Variants in MORC2 observed in about 807,000 individuals in gnomAD.
MORC2 encodes ATPase MORC2.
Under a neutral mutation model 136.0 loss-of-function variants are expected in MORC2, and 30 were observed. That is an observed-to-expected ratio of 0.22 (90% CI 0.17 to 0.30). The LOEUF (loss-of-function observed/expected upper bound fraction) is 0.30. Among genes scored for constraint, MORC2 ranks in the 10% least tolerant of loss-of-function variants. MORC2 has a pLI of 1.00. For synonymous variants in MORC2, 439 were observed against 487.0 expected (o/e 0.90, Z 1.30); for missense variants, 922 against 1,333.1 (o/e 0.69, Z 4.80).
intron 6 of MORC2, among the ~76,000 whole-genome samples, chr22:30,942,878 G>A (rs558624058): frequency 3.9e-5 from 6 of 152,260 alleles, no homozygotes; most frequent in East Asian, 1.9e-4. Context: ...GGCAGCGTGC[G>A]TCTGTAGCCC....
chr22:30,960,944 C>A (rs936674831), intron 1 of MORC2, among the ~76,000 whole-genome samples: 15 of 151,108 alleles, frequency 9.9e-5, no homozygotes, highest in Non-Finnish European at 2.1e-4. Flanking sequence ...CGGCTCACTG[C>A]AACCTCTGCC....
intron 3 of MORC2, among the ~76,000 whole-genome samples, chr22:30,952,998 G>A (rs752481345): frequency 3.3e-5 from 5 of 152,188 alleles, no homozygotes; most frequent in African/African-American, 7.2e-5. Context: ...GTCTGGGTAC[G>A]TCTGAGGTGG....
At chr22:30,933,630 T>C (rs1325659092) in intron 20 of MORC2, 110 bp from the exon 21 acceptor site, 2 of 1,110,572 alleles carry the variant, frequency 1.8e-6, no homozygotes, top group Non-Finnish European at 2.7e-6. Context: ...CTTCCTGTGC[T>C]ACAGTTTAAA....
intron 5 of MORC2, among the ~76,000 whole-genome samples, chr22:30,948,283 A>C (rs1424352302): frequency 6.6e-6 from 1 of 152,220 alleles, no homozygotes; most frequent in Non-Finnish European, 1.5e-5. Flanking sequence ...AGGTAGGAGG[A>C]GGCTGATCTA....
At position 30,925,144 on chromosome 22, in the gene MORC2, CAGT is replaced by C. The variant is rs1313982067; in HGVS notation, c.*1656_*1658del. The stretch of plus-strand genomic sequence containing the variant: ...AACAGACTGAGTTCAGGAGTCTCAC[CAGT>C]AGAACTTTATAGTATTGCGTTTCGA... On this transcript the variant is annotated 3_prime_UTR_variant, in exon 26 of 26. Transcript: ENST00000397641. The C allele has an allele frequency of 1.4e-5, 5 of 349,312 alleles. No individual in the cohort carries two copies. The highest frequency in any genetic ancestry group is 2.8e-5 in the Non-Finnish European group (5 of 176,266). The allele number at this position is 349,312 out of a possible 1,614,324, so 21.6% of individuals were successfully genotyped here. A position where few individuals can be genotyped will look rare whatever the true frequency, so the allele number is the denominator to read the frequency against.
At chr22:30,935,408 A>G (rs1280637472) in intron 17 of MORC2, 86 bp from the exon 18 acceptor site, 14 of 1,269,204 alleles carry the variant, frequency 1.1e-5, no homozygotes, top group Non-Finnish European at 1.4e-5. Flanking sequence ...AACCAGGGAC[A>G]AAAAAAATAG....
chr22:30,928,986 C>T (rs1166434944), intron 24 of MORC2, among the ~76,000 whole-genome samples: 1 of 152,230 alleles, frequency 6.6e-6, no homozygotes, highest in Non-Finnish European at 1.5e-5. Context: ...TGCTAGCTGG[C>T]TGCTGCAGTC....
At chr22:30,938,273 G>GTTAAGC (rs2040687393) in intron 12 of MORC2, 68 bp from the exon 13 acceptor site, 1 of 1,570,814 alleles carries the variant, frequency 6.4e-7, no homozygotes, top group South Asian at 1.2e-5. Context: ...TTTAAGATGT[G>GTTAAGC]TTAAGCTTAA....
rs60514280 is a variant in MORC2 at position 30,926,550 on chromosome 22, CAAAAAAAAAAAAAAAAA to C, written c.*236_*252del. 26 of 25,786 alleles carry C rather than the reference CAAAAAAAAAAAAAAAAA, an allele frequency of 1.0e-3. No individual in the cohort carries two copies. The highest frequency in any genetic ancestry group is 3.6e-3 in the East Asian group (3 of 840). The allele number at this position is 25,786 out of a possible 1,614,324, so 1.6% of individuals were successfully genotyped here. On this transcript the variant is annotated 3_prime_UTR_variant, in exon 26 of 26. Coordinates refer to ENST00000397641, the MANE Select transcript of MORC2 (RefSeq NM_001303256.3). The stretch of plus-strand genomic sequence containing the variant: ...AAGGTTCTCTGTCCTTTGCAGTCAC[CAAAAAAAAAAAAAAAAA>C]AAAAAAAAAAAAAAAAAAAGTATGG...
chr22:30,939,753 A>T (rs1345242196), intron 11 of MORC2, 47 bp from the exon 12 acceptor site: 1 of 1,558,082 alleles, frequency 6.4e-7, no homozygotes, highest in South Asian at 1.1e-5. Flanking sequence ...TCTAGGCCAC[A>T]GCAGGGAATA....
intron 4 of MORC2, 94 bp downstream of exon 4, chr22:30,950,283 A>C: frequency 4.7e-6 from 6 of 1,280,452 alleles, no homozygotes; most frequent in Non-Finnish European, 6.7e-6. Flanking sequence ...ATAACATTGG[A>C]GGCAACAGAA....
intron 3 of MORC2, among the ~76,000 whole-genome samples, chr22:30,954,500 T>C (rs949172241): frequency 1.3e-5 from 2 of 152,226 alleles, no homozygotes; most frequent in African/African-American, 4.8e-5. Context: ...TGTTCTCTAA[T>C]TATCCATAGT....
intron 2 of MORC2, 22 bp from the exon 3 acceptor site, chr22:30,956,819 A>C: frequency 6.5e-7 from 1 of 1,528,326 alleles, no homozygotes; most frequent in African/African-American, 1.4e-5. Context: ...AAAGAAAAGA[A>C]TCATGTGAAT....
At chr22:30,944,812 G>A (rs1211428869) in intron 6 of MORC2, among the ~76,000 whole-genome samples, 8 of 152,206 alleles carry the variant, frequency 5.3e-5, no homozygotes, top group African/African-American at 1.9e-4. Flanking sequence ...GAAACTCCAT[G>A]TATTTCTCTC....
At chr22:30,954,963 T>TTC (rs2040945051) in intron 3 of MORC2, among the ~76,000 whole-genome samples, 1 of 149,188 alleles carries the variant, frequency 6.7e-6, no homozygotes. Flanking sequence ...TTTTTTTTTT[T>TTC]TTTTTTTTTT....
intron 1 of MORC2, 82 bp downstream of exon 1, chr22:30,967,740 A>G (rs2041150322): frequency 3.2e-6 from 5 of 1,541,254 alleles, no homozygotes; most frequent in East Asian, 2.5e-5. Context: ...GTGAAAAAGC[A>G]AAATTTTCTG....
In MORC2 at chr22:30,934,314, C is replaced by T. The variant is rs920077300; in HGVS notation, c.2194-123G>A. ...TGTACTCCCTGCAATCCCTGCCTGACATTACTTGGAATGTACACAGGCAAC... is the reference window on the plus strand; with the variant it reads ...TGTACTCCCTGCAATCCCTGCCTGATATTACTTGGAATGTACACAGGCAAC... On this transcript the variant is annotated intron_variant, in intron 19 of 25. Coordinates refer to ENST00000397641, the MANE Select transcript of MORC2 (RefSeq NM_001303256.3). This position sits in a 1 kb window ranked among gnomAD's most constrained non-coding sequence, Gnocchi z 4.4. 2.2e-6 allele frequency: 3 copies of T among 1,394,278 alleles called. No homozygotes were observed. The highest frequency in any genetic ancestry group is 2.9e-6 in the Non-Finnish European group (3 of 1,033,192). The allele number at this position is 1,394,278 out of a possible 1,614,324, so 86.4% of individuals were successfully genotyped here. A position where few individuals can be genotyped will look rare whatever the true frequency, so the allele number is the denominator to read the frequency against.
rs568000445 is a variant in MORC2, at chr22:30,937,563, G to A, written c.1498+20C>T. On this transcript the variant is annotated intron_variant, in intron 15 of 25. Transcript: ENST00000397641. The surrounding 1 kb of genome is among the most constrained non-coding windows in gnomAD (Gnocchi z 4.7). ...TGGGCTGATGGAAATGAGTCGGGGG[G>A]GTCCAACCACCCAACTCACCGCACT... 3.7e-6 allele frequency: 6 copies of A among 1,610,584 alleles called. No homozygotes were observed. The highest frequency in any genetic ancestry group is 1.7e-5 in the Admixed American group (1 of 59,844).
intron 24 of MORC2, among the ~76,000 whole-genome samples, chr22:30,930,864 T>G (rs954807642): frequency 1.3e-5 from 2 of 152,210 alleles, no homozygotes; most frequent in Non-Finnish European, 2.9e-5. Flanking sequence ...GATCTCCACG[T>G]GCACAATGCA....
Sources: allele counts gnomAD v4.1 joint callset (sites outside exome capture counted in the v4.1 genomes callset), GRCh38; gene constraint gnomAD v4.1.1; non-coding constraint Gnocchi (gnomAD v3.1); transcripts MANE v1.5; gene names NCBI Gene and HGNC (gene_info 2026-07-23, HGNC 2026-07-21).